SCMH1: variants seen among roughly 807,000 people sequenced by gnomAD.
SCMH1 encodes Scm polycomb group protein homolog 1.
SCMH1 carries 37 observed loss-of-function variants against 70.8 expected under a neutral mutation model. The observed-to-expected ratio is 0.52, with a 90% CI of 0.40 to 0.69. SCMH1 has a LOEUF of 0.69. Ranked by LOEUF, SCMH1 falls within the 30% of genes least tolerant of loss-of-function variation. The pLI is 0.00. For synonymous variants in SCMH1, 292 were observed against 307.4 expected (o/e 0.95, Z 0.52); for missense variants, 607 against 827.3 (o/e 0.73, Z 3.27).
intron 2 of SCMH1, among the ~76,000 whole-genome samples, chr1:41,183,443 T>C (rs1368097216): frequency 5.3e-5 from 8 of 152,204 alleles, no homozygotes; most frequent in Non-Finnish European, 1.0e-4. Flanking sequence ...TACTCTTTCA[T>C]ACCTCTGGAC....
intron 1 of SCMH1, among the ~76,000 whole-genome samples, chr1:41,238,162 C>T (rs1662774931): frequency 6.6e-6 from 1 of 152,200 alleles, no homozygotes; most frequent in Admixed American, 6.5e-5. Context: ...AAAGCCTAGG[C>T]TCTTTCCACT....
At chr1:41,126,666 C>G (rs567077181) in intron 6 of SCMH1, among the ~76,000 whole-genome samples, 1 of 152,186 alleles carries the variant, frequency 6.6e-6, no homozygotes, top group African/African-American at 2.4e-5. Flanking sequence ...TATATACTTT[C>G]TGCAACTTTC....
At chr1:41,200,476 CA>C (rs201097343) in intron 1 of SCMH1, among the ~76,000 whole-genome samples, 11,473 of 147,246 alleles carry the variant, frequency 0.078, 579 homozygotes, top group South Asian at 0.12. Context: ...AAACTCGTCT[CA>C]AAAAAATATA....
In SCMH1 at chr1:41,070,828, T is replaced by C. The variant is rs995468133; in HGVS notation, c.979-107A>G. 20 of 1,337,682 alleles carry C rather than the reference T, an allele frequency of 1.5e-5. No individual in the cohort carries two copies. In the South Asian group the frequency reaches 2.4e-4, roughly 16 times the overall value. The allele number at this position is 1,337,682 out of a possible 1,614,324, so 82.9% of individuals were successfully genotyped here. Reference sequence around the variant, plus strand: ...AGCAAAAATATATTTATGGATGGAATAGTGTTTTATCTTTGTTCTCTACAC... The same window carrying C: ...AGCAAAAATATATTTATGGATGGAACAGTGTTTTATCTTTGTTCTCTACAC... On this transcript the variant is annotated intron_variant, in intron 9 of 14. Transcript: ENST00000337495.
At chr1:41,133,083 T>A (rs1455189391) in intron 6 of SCMH1, among the ~76,000 whole-genome samples, 1 of 152,178 alleles carries the variant, frequency 6.6e-6, no homozygotes, top group Non-Finnish European at 1.5e-5. Context: ...GTGAAGAAAG[T>A]CAGTGGTAGC....
rs368080651 is a variant in SCMH1, at chr1:41,231,746, G to A, written c.-118+10313C>T. Among the ~76,000 whole-genome samples the A allele has an allele frequency of 3.2e-4, 49 of 152,288 alleles. 1 individual carries two copies. In the South Asian group the frequency reaches 8.9e-3, roughly 28 times the overall value. On this transcript the variant is annotated intron_variant, in intron 1 of 14. Coordinates refer to ENST00000337495, the Ensembl canonical transcript of SCMH1. Reference sequence around the variant, plus strand: ...GGAGTATTAGAAATTTTATAGGCCAGGTGTGGTGGCTCACGCCTGTAATCC... The same window carrying A: ...GGAGTATTAGAAATTTTATAGGCCAAGTGTGGTGGCTCACGCCTGTAATCC...
chr1:41,160,903 T>C lies in SCMH1; in HGVS notation c.83-5A>G. ...GATCCAGGATGTCAGCAGCTTCTAG[T>C]AAAGAAAAAAATGTTGGAGCATAAG... On this transcript the variant is annotated splice_region_variant and splice_polypyrimidine_tract_variant and intron_variant, in intron 3 of 14. Transcript: ENST00000337495. 1.3e-6 allele frequency: 2 copies of C among 1,549,700 alleles called. No individual in the cohort carries two copies. The highest frequency in any genetic ancestry group is 8.7e-7 in the Non-Finnish European group (1 of 1,146,518).
chr1:41,135,365 A>T (rs1325233883), intron 6 of SCMH1, among the ~76,000 whole-genome samples: 1 of 152,182 alleles, frequency 6.6e-6, no homozygotes, highest in Non-Finnish European at 1.5e-5. Flanking sequence ...ATAGGGACCC[A>T]GTGGGAGGTA....
intron 11 of SCMH1, among the ~76,000 whole-genome samples, chr1:41,048,378 C>T (rs1270911068): frequency 1.3e-5 from 2 of 152,148 alleles, no homozygotes; most frequent in African/African-American, 4.8e-5. Flanking sequence ...TGGAGAAACC[C>T]TCCTGCTGCC....
intron 8 of SCMH1, among the ~76,000 whole-genome samples, chr1:41,083,282 G>A (rs981498117): frequency 7.9e-5 from 12 of 152,156 alleles, no homozygotes; most frequent in African/African-American, 2.7e-4. Flanking sequence ...CAAAGTCTCA[G>A]GTTACAAAAT....
Position 41,167,336 on chromosome 1 carries a change from T to C in SCMH1, c.14-5904A>G, listed in dbSNP as rs76805331. On this transcript the variant is annotated intron_variant, in intron 2 of 14. Transcript: ENST00000337495. ...GAAGGGAGATGTAGTCTTCTTCTCT[T>C]GTTGTATCTTTGTCTGGCTTTGGTA... is the stretch of plus-strand genomic sequence containing the variant. 2.8e-3 allele frequency among the ~76,000 whole-genome samples: 430 copies of C among 152,228 alleles called. 5 individuals carry two copies. The highest frequency in any genetic ancestry group is 9.7e-3 in the African/African-American group (402 of 41,578).
Position 41,113,143 on chromosome 1 carries a change from G to A in SCMH1, c.745+140C>T. ...TCTAATTGCTCCCTGGTAGACCTGG[G>A]TTTTTACCTAAGCTGCTGGCCCTTG... On this transcript the variant is annotated intron_variant, in intron 8 of 14. Transcript: ENST00000337495. The surrounding 1 kb of genome is among the most constrained non-coding windows in gnomAD (Gnocchi z 4.3). The A allele has an allele frequency of 6.4e-6, 7 of 1,093,736 alleles. No individual in the cohort carries two copies. The highest frequency in any genetic ancestry group is 9.1e-6 in the Non-Finnish European group (7 of 771,158). The allele number at this position is 1,093,736 out of a possible 1,614,324, so 67.8% of individuals were successfully genotyped here.
intron 10 of SCMH1, among the ~76,000 whole-genome samples, chr1:41,065,453 G>C (rs1654270185): frequency 6.6e-6 from 1 of 152,254 alleles, no homozygotes; most frequent in Non-Finnish European, 1.5e-5. Flanking sequence ...CTGGGCAACA[G>C]AGTGCACTTC....
intron 12 of SCMH1, 112 bp downstream of exon 12, chr1:41,046,293 CCT>C (rs1646885843): frequency 7.4e-6 from 6 of 809,550 alleles, no homozygotes; most frequent in Non-Finnish European, 1.2e-5. Context: ...GAAAAGCAGA[CCT>C]CTAGATAGTA....
intron 11 of SCMH1, 106 bp from the exon 12 acceptor site, chr1:41,046,704 C>T (rs1360149556): frequency 5.8e-6 from 5 of 860,636 alleles, no homozygotes; most frequent in Non-Finnish European, 9.4e-6. Flanking sequence ...CCTGGTTACA[C>T]AAAGGGAATC....
chr1:41,237,498 A>T (rs1251781084), intron 1 of SCMH1, among the ~76,000 whole-genome samples: 2 of 152,216 alleles, frequency 1.3e-5, no homozygotes, highest in Non-Finnish European at 2.9e-5. Context: ...GAAAGAAGAC[A>T]TCCAATGTGT....
intron 5 of SCMH1, among the ~76,000 whole-genome samples, chr1:41,145,862 A>G (rs1185996936): frequency 2.6e-5 from 4 of 152,254 alleles, no homozygotes; most frequent in Non-Finnish European, 4.4e-5. Context: ...CTGTGCTGCC[A>G]GCTGTATAAA....
chr1:41,213,928 T>C lies in SCMH1; in HGVS notation c.-117-27678A>G, dbSNP rs141456921. Among the ~76,000 whole-genome samples the C allele has an allele frequency of 7.3e-4, 111 of 152,264 alleles. 2 individuals carry two copies. In the East Asian group the frequency reaches 0.02, roughly 27 times the overall value. ...CTTTAAATTATTTCAGTGAAGCTGC[T>C]GTCTCAAAGCTCAATACTGGGCAAT... On this transcript the variant is annotated intron_variant, in intron 1 of 14. Coordinates refer to ENST00000337495, the Ensembl canonical transcript of SCMH1.
At chr1:41,088,629 G>A (rs1662415337) in intron 8 of SCMH1, among the ~76,000 whole-genome samples, 2 of 152,070 alleles carry the variant, frequency 1.3e-5, no homozygotes, top group Admixed American at 6.6e-5. Flanking sequence ...GTGTCCCCAT[G>A]CCTGGCTAAT....
Sources: allele counts gnomAD v4.1 joint callset (sites outside exome capture counted in the v4.1 genomes callset), GRCh38; gene constraint gnomAD v4.1.1; non-coding constraint Gnocchi (gnomAD v3.1); transcripts MANE v1.5; gene names NCBI Gene and HGNC (gene_info 2026-07-23, HGNC 2026-07-21).